Variants in RELN observed in about 807,000 individuals in gnomAD.
The protein encoded by RELN is reelin.
Under a neutral mutation model 427.6 loss-of-function variants are expected in RELN, and 108 were observed. That is an observed-to-expected ratio of 0.25 (90% CI 0.22 to 0.30). The LOEUF (loss-of-function observed/expected upper bound fraction) is 0.30. Ranked by LOEUF, RELN falls within the 10% of genes least tolerant of loss-of-function variation. The pLI, the probability that RELN is intolerant of heterozygous loss-of-function variation, is 1.00. For synonymous variants in RELN, 1,524 were observed against 1,513.4 expected, an observed-to-expected ratio of 1.01 and a Z score of -0.16; for missense variants, 3,715 against 4,302.8, an observed-to-expected ratio of 0.86 and a Z score of 3.82.
chr7:103,520,954 G>GTTTTTTTTTTTTTTTTTTTTTTTT (rs1462369530), intron 48 of RELN, among the ~76,000 whole-genome samples: 1 of 78,190 alleles, frequency 1.3e-5, no homozygotes, highest in African/African-American at 5.0e-5. Flanking sequence ...CAGTAAATTT[G>GTTTTTTTTTTTTTTTTTTTTTTTT]TTATTTTTTT....
intron 1 of RELN, among the ~76,000 whole-genome samples, chr7:103,982,330 G>A (rs758270107): frequency 2.6e-5 from 4 of 152,094 alleles, no homozygotes; most frequent in Non-Finnish European, 5.9e-5. Flanking sequence ...GCAGCTCCAT[G>A]TAATTCAGCG....
At chr7:103,870,066 C>G (rs1287914796) in intron 2 of RELN, among the ~76,000 whole-genome samples, 1 of 152,054 alleles carries the variant, frequency 6.6e-6, no homozygotes, top group Non-Finnish European at 1.5e-5. Context: ...CTTTGCAGGT[C>G]TAGAATTTCG....
At chr7:103,872,056 T>TTTA (rs1563062980) in intron 2 of RELN, among the ~76,000 whole-genome samples, 2 of 146,386 alleles carry the variant, frequency 1.4e-5, no homozygotes, top group South Asian at 2.2e-4. Flanking sequence ...TTTTTTCTTT[T>TTTA]TTTATTTATT....
chr7:103,800,519 C>T (rs1792435620), intron 3 of RELN, among the ~76,000 whole-genome samples: 2 of 152,120 alleles, frequency 1.3e-5, no homozygotes, highest in Admixed American at 6.5e-5. Flanking sequence ...GGAAAACTGG[C>T]TAGTCATATA....
intron 57 of RELN, among the ~76,000 whole-genome samples, chr7:103,493,601 A>T (rs748544261): frequency 1.3e-5 from 2 of 152,166 alleles, no homozygotes; most frequent in Admixed American, 6.5e-5. Flanking sequence ...GATGGTGAGA[A>T]TGTCTATGGA....
intron 28 of RELN, among the ~76,000 whole-genome samples, chr7:103,585,008 G>A (rs1458371629): frequency 6.6e-6 from 1 of 151,776 alleles, no homozygotes; most frequent in East Asian, 1.9e-4. Flanking sequence ...AAAAAAATTT[G>A]AAACAAATGA....
chr7:103,497,207 ATTAC>A (rs1169914735), intron 55 of RELN, among the ~76,000 whole-genome samples: 3 of 152,294 alleles, frequency 2.0e-5, no homozygotes, highest in African/African-American at 7.2e-5. Context: ...GGGATGTTTA[ATTAC>A]TTAAGAAAAC....
intron 11 of RELN, among the ~76,000 whole-genome samples, chr7:103,680,991 G>C (rs1833641891): frequency 6.6e-6 from 1 of 152,134 alleles, no homozygotes; most frequent in African/African-American, 2.4e-5. Context: ...GAGGAGCAGG[G>C]CTGGGTCAAC....
intron 4 of RELN, among the ~76,000 whole-genome samples, chr7:103,760,365 G>C (rs1378779068): frequency 2.0e-5 from 3 of 152,072 alleles, no homozygotes; most frequent in Admixed American, 2.0e-4. Context: ...ATATTAGAAA[G>C]AATGAGGTCG....
At chr7:103,940,346 T>G (rs1050973289) in intron 1 of RELN, among the ~76,000 whole-genome samples, 2 of 152,346 alleles carry the variant, frequency 1.3e-5, no homozygotes, top group Admixed American at 1.3e-4. Context: ...TAGAAGGCTG[T>G]ATGGTCCGTT....
At chr7:103,806,351 G>GTC (rs1792599887) in intron 3 of RELN, among the ~76,000 whole-genome samples, 1 of 151,854 alleles carries the variant, frequency 6.6e-6, no homozygotes, top group South Asian at 2.1e-4. Flanking sequence ...TTTAGACAGA[G>GTC]TCTCGCTCTG....
At chr7:103,905,038 T>C (rs2116630402) in intron 2 of RELN, among the ~76,000 whole-genome samples, 1 of 136,950 alleles carries the variant, frequency 7.3e-6, no homozygotes, top group East Asian at 2.4e-4. Flanking sequence ...TGAAGTGCAG[T>C]GGTGCAATCT....
rs551337265 is a variant in RELN, at chr7:103,722,169, C to T, written c.805+971G>A. On this transcript the variant is annotated intron_variant, in intron 8 of 64. Coordinates refer to ENST00000428762, the MANE Select transcript of RELN (RefSeq NM_005045.4). The stretch of plus-strand genomic sequence containing the variant: ...CTTCACATAGTACCTCCTACACAGG[C>T]TGAAACAAGGCACAGTGATGAAAAA... Among the ~76,000 whole-genome samples the T allele has an allele frequency of 3.9e-5, 6 of 152,228 alleles. No homozygotes were observed. In the East Asian group the frequency reaches 1.2e-3, roughly 29 times the overall value.
chr7:103,585,141 C>T (rs893902789), intron 28 of RELN, among the ~76,000 whole-genome samples: 10 of 151,692 alleles, frequency 6.6e-5, no homozygotes, highest in Non-Finnish European at 1.3e-4. Context: ...AACATTGCAC[C>T]TCAAGGAAGA....
intron 17 of RELN, among the ~76,000 whole-genome samples, chr7:103,639,048 C>A (rs1832642994): frequency 6.6e-6 from 1 of 152,124 alleles, no homozygotes; most frequent in South Asian, 2.1e-4. Context: ...AACTATCTGG[C>A]CTCATGTTAA....
rs1562868944 is a variant in RELN, at chr7:103,520,956, T to TG, written c.7668+1065_7668+1066insC. ...AATAAAGAGCTGGCAGTAAATTTGT[T>TG]ATTTTTTTTTTTTTTTTTTTTTTTT... On this transcript the variant is annotated intron_variant, in intron 48 of 64. Transcript: ENST00000428762. 1.7e-5 allele frequency among the ~76,000 whole-genome samples: 2 copies of TG among 119,708 alleles called. 1 individual carries two copies. The highest frequency in any genetic ancestry group is 6.3e-5 in the African/African-American group (2 of 31,520). 78.5% of individuals were successfully genotyped at this position (119,708 alleles called of 152,430 possible).
intron 52 of RELN, among the ~76,000 whole-genome samples, chr7:103,501,219 T>C (rs562889001): frequency 3.9e-4 from 59 of 152,346 alleles, no homozygotes; most frequent in African/African-American, 1.4e-3. Context: ...TCTGTAACTT[T>C]CATAAATCAG....
intron 2 of RELN, among the ~76,000 whole-genome samples, chr7:103,912,063 G>A (rs553811114): frequency 6.6e-6 from 1 of 152,080 alleles, no homozygotes; most frequent in African/African-American, 2.4e-5. Flanking sequence ...CTAGTTTTAT[G>A]TTAATTGCTT....
chr7:103,731,420 CATGTGATAGGTGCTG>C (rs2115953260), intron 6 of RELN, among the ~76,000 whole-genome samples: 1 of 152,200 alleles, frequency 6.6e-6, no homozygotes, highest in African/African-American at 2.4e-5. Context: ...TGCTGTTTAC[CATGTGATAGGTGCTG>C]ACAGAAGCTC....
Sources: allele counts gnomAD v4.1 joint callset (sites outside exome capture counted in the v4.1 genomes callset), GRCh38; gene constraint gnomAD v4.1.1; transcripts MANE v1.5; gene names NCBI Gene and HGNC (gene_info 2026-07-23, HGNC 2026-07-21).